CKS1B: variants seen among roughly 807,000 people sequenced by gnomAD.
CKS1B encodes cyclin-dependent kinases regulatory subunit 1.
In CKS1B, 5 loss-of-function variants were observed where a neutral mutation model predicts 12.2. That is an observed-to-expected ratio of 0.41 (90% CI 0.21 to 0.86). CKS1B has a LOEUF of 0.86. Ranked by LOEUF, CKS1B falls within the 40% of genes least tolerant of loss-of-function variation. CKS1B has a pLI of 0.32. For missense variants in CKS1B, 53 were observed against 99.9 expected (o/e 0.53, Z 2.00); for synonymous variants, 24 against 34.4 (o/e 0.70, Z 1.06).
At chr1:154,975,023 G>A (rs1657115350) in intron 1 of CKS1B, 1 of 1,255,464 alleles carries the variant, frequency 8.0e-7, no homozygotes, top group African/African-American at 1.5e-5. Context: ...TCTCAGTAGA[G>A]AGGAGAGAGG....
chr1:154,975,732 T>G (rs1657158749), intron 1 of CKS1B: 1 of 154,880 alleles, frequency 6.5e-6, no homozygotes. Context: ...GCTGACCTCT[T>G]ACTTTCGGTC....
chr1:154,976,654 C>T lies in CKS1B; in HGVS notation c.60-1333C>T, dbSNP rs376455132. Among the ~76,000 whole-genome samples, 6 of 152,342 alleles carry T rather than the reference C, an allele frequency of 3.9e-5. No homozygotes were observed. In the East Asian group the frequency reaches 9.6e-4, roughly 24 times the overall value. ...GATTTGTGGAGCTGGGAAGGAATCA[C>T]CATTTCATCCCCTGGAAGATGAAAC... On this transcript the variant is annotated intron_variant, in intron 1 of 2. Transcript: ENST00000308987.
In CKS1B at chr1:154,978,749, G is replaced by T; in HGVS notation, c.212G>T (p.Arg71Leu). The stretch of plus-strand genomic sequence containing the variant: ...GAACCTCACATCTTGCTGTTCCGGC[G>T]CCCACTACCCAAGAAACCAAAGAAA... ...EPEPHILLFR[R>L]PLPKKPKK The change falls in exon 3 of 3, where the codon CGC becomes CTC. Residue 71 changes from arginine (R) to leucine (L), a missense_variant. Transcript: ENST00000308987. 1 of 1,613,378 alleles carries T rather than the reference G, an allele frequency of 6.2e-7. No homozygotes were observed. The highest frequency in any genetic ancestry group is 8.5e-7 in the Non-Finnish European group (1 of 1,179,622).
At chr1:154,975,280 CT>C (rs1657132730) in intron 1 of CKS1B, among the ~76,000 whole-genome samples, 1 of 152,032 alleles carries the variant, frequency 6.6e-6, no homozygotes, top group African/African-American at 2.4e-5. Flanking sequence ...GGTTGTCTGG[CT>C]TGTGTAAGGA....
At chr1:154,977,828 C>T in intron 1 of CKS1B, 159 bp from the exon 2 acceptor site, 1 of 637,770 alleles carries the variant, frequency 1.6e-6, no homozygotes, top group Non-Finnish European at 2.6e-6. Context: ...TATAACATAG[C>T]CTGTATTTCT....
At chr1:154,976,132 T>C (rs986794509) in intron 1 of CKS1B, among the ~76,000 whole-genome samples, 2 of 152,094 alleles carry the variant, frequency 1.3e-5, no homozygotes, top group Non-Finnish European at 2.9e-5. Context: ...GAAAGCTTCC[T>C]AGAGGGCAGA....
At chr1:154,978,600 C>A in intron 2 of CKS1B, 125 bp from the exon 3 acceptor site, 1 of 780,308 alleles carries the variant, frequency 1.3e-6, no homozygotes, top group Non-Finnish European at 2.2e-6. Context: ...AGGCCATATG[C>A]TTAAGTCTTT....
intron 1 of CKS1B, 163 bp downstream of exon 1, chr1:154,974,967 G>T (rs1033227617): frequency 1.2e-6 from 2 of 1,604,360 alleles, no homozygotes; most frequent in Non-Finnish European, 1.7e-6. Context: ...ATGCGCGGAG[G>T]TGGGAGGCGC....
At chr1:154,977,442 C>T (rs1399971954) in intron 1 of CKS1B, 1 of 152,298 alleles carries the variant, frequency 6.6e-6, no homozygotes, top group African/African-American at 2.4e-5. Flanking sequence ...AATCAGATTT[C>T]AAACTTCATA....
chr1:154,977,715 G>A (rs1657225178), intron 1 of CKS1B: 1 of 369,730 alleles, frequency 2.7e-6, no homozygotes, highest in African/African-American at 2.1e-5. Flanking sequence ...TCAACTAGAA[G>A]ACTATAAGGT....
rs1657254977 is a variant in CKS1B at position 154,978,913 on chromosome 1, G to A, written c.*136G>A. On this transcript the variant is annotated 3_prime_UTR_variant, in exon 3 of 3. Coordinates refer to ENST00000308987, the MANE Select transcript of CKS1B (RefSeq NM_001826.3). ...AAGATGTTCAATACACTGTTTGAAT[G>A]TGCTGGTAACTGCTTTGCTTCTTGA... 1.5e-6 allele frequency: 1 copy of A among 652,730 alleles called. No homozygotes were observed. Among genetic ancestry groups the A allele is most frequent in the East Asian group, 2.8e-5 (1 of 36,264 alleles). The allele number at this position is 652,730 out of a possible 1,614,324, so 40.4% of individuals were successfully genotyped here. A position where few individuals can be genotyped will look rare whatever the true frequency, so the allele number is the denominator to read the frequency against.
chr1:154,978,199 A>G (rs1657236905), intron 2 of CKS1B, 85 bp downstream of exon 2: 1 of 1,358,464 alleles, frequency 7.4e-7, no homozygotes, highest in Non-Finnish European at 9.8e-7. Context: ...AAATAGGGAG[A>G]TAGGAAATGG....
chr1:154,978,582 T>G, intron 2 of CKS1B, 143 bp from the exon 3 acceptor site: 1 of 675,936 alleles, frequency 1.5e-6, no homozygotes. Flanking sequence ...CTTCTGGGTC[T>G]GCTTCTAAGG....
At chr1:154,978,548 T>C (rs1449376158) in intron 2 of CKS1B, 177 bp from the exon 3 acceptor site, 2 of 614,684 alleles carry the variant, frequency 3.3e-6, no homozygotes, top group South Asian at 2.0e-5. Flanking sequence ...TATTAACAAT[T>C]CTGTACTTGG....
chr1:154,976,720 G>A (rs772150754), intron 1 of CKS1B, among the ~76,000 whole-genome samples: 3 of 152,222 alleles, frequency 2.0e-5, no homozygotes, highest in Non-Finnish European at 2.9e-5. Context: ...GTTTTTTGGT[G>A]TATGTATTGA....
intron 2 of CKS1B, 164 bp downstream of exon 2, chr1:154,978,278 A>C: frequency 1.4e-6 from 1 of 703,950 alleles, no homozygotes; most frequent in Non-Finnish European, 2.3e-6. Context: ...CAAAAATAAG[A>C]CTAAAATATC....
intron 1 of CKS1B, among the ~76,000 whole-genome samples, chr1:154,976,710 G>A (rs748466552): frequency 6.6e-6 from 1 of 152,198 alleles, no homozygotes; most frequent in Non-Finnish European, 1.5e-5. Flanking sequence ...TTTAAGAGGG[G>A]TTTTTTGGTG....
chr1:154,976,499 G>A (rs1028843401), intron 1 of CKS1B, among the ~76,000 whole-genome samples: 1 of 152,214 alleles, frequency 6.6e-6, no homozygotes, highest in Non-Finnish European at 1.5e-5. Flanking sequence ...AACTCGATGT[G>A]CATTGACAAA....
Position 154,974,816 on chromosome 1 carries a change from C to T in CKS1B, c.59+12C>T. 1 of 1,613,874 alleles carries T rather than the reference C, an allele frequency of 6.2e-7. No individual in the cohort carries two copies. The highest frequency in any genetic ancestry group is 8.5e-7 in the Non-Finnish European group (1 of 1,179,898). On this transcript the variant is annotated intron_variant, in intron 1 of 2. Transcript: ENST00000308987. ...GAGTTTGAGTATCGGTTAGTGCTGG[C>T]GCGGGAGCAATAGCGAGGGTCGTGA...
Sources: gnomAD v4.1 joint callset for allele counts (sites outside exome capture counted in the v4.1 genomes callset) on GRCh38, gnomAD v4.1.1 for gene constraint, MANE v1.5 for transcripts, NCBI Gene and HGNC (gene_info 2026-07-23, HGNC 2026-07-21) for gene names.